GSE1: variants seen among roughly 807,000 people sequenced by gnomAD.
GSE1 encodes Gse1 coiled-coil protein.
A neutral mutation model predicts 112.6 loss-of-function variants in GSE1; 32 were observed. That is an observed-to-expected ratio of 0.28 (90% CI 0.21 to 0.38). The LOEUF is 0.38. Among genes scored for constraint, GSE1 ranks in the 10% least tolerant of loss-of-function variants. GSE1 has a pLI of 1.00. For missense variants in GSE1, 2,348 were observed against 1,699.2 expected, an observed-to-expected ratio of 1.38 and a Z score of -6.71; for synonymous variants, 1,115 against 735.6, an observed-to-expected ratio of 1.52 and a Z score of -8.35.
intron 2 of GSE1, among the ~76,000 whole-genome samples, chr16:85,378,694 C>G (rs902466546): frequency 6.6e-5 from 10 of 152,208 alleles, no homozygotes; most frequent in Non-Finnish European, 1.5e-4. Context: ...CCAGGCGAAC[C>G]TTTGCCCCCT....
In GSE1 at chr16:85,327,113, C is replaced by G. The variant is rs565542348; in HGVS notation, c.2284-30350C>G. 2.0e-5 allele frequency among the ~76,000 whole-genome samples: 3 copies of G among 152,340 alleles called. No homozygotes were observed. The East Asian group carries it at 5.8e-4, about 29-fold the overall frequency. On this transcript the variant is annotated intron_variant, in intron 1 of 2. Coordinates refer to the GSE1 transcript ENST00000637419. ...GGCTTGTTTCTTTCCATGGGAGCCT[C>G]TCCCTGGGCAACCTGGGCTTCCTCA...
intron 2 of GSE1, among the ~76,000 whole-genome samples, chr16:85,527,802 G>C (rs1272862876): frequency 1.3e-5 from 2 of 152,258 alleles, no homozygotes; most frequent in Non-Finnish European, 2.9e-5. Context: ...ACATATACAG[G>C]AGTGACCGTC....
chr16:85,194,950 G>T (rs1020649316), intron 1 of GSE1, among the ~76,000 whole-genome samples: 2 of 152,106 alleles, frequency 1.3e-5, no homozygotes, highest in African/African-American at 4.8e-5. Flanking sequence ...GCTCAGCCAG[G>T]GCCGGTCGTG....
chr16:85,593,045 G>A (rs2047064260), intron 1 of GSE1: 1 of 152,302 alleles, frequency 6.6e-6, no homozygotes, highest in Non-Finnish European at 1.5e-5. Flanking sequence ...AAGCTGCAGG[G>A]AAGTGAAGGA....
At chr16:85,438,351 G>A (rs760287879) in intron 2 of GSE1, among the ~76,000 whole-genome samples, 1 of 152,200 alleles carries the variant, frequency 6.6e-6, no homozygotes, top group African/African-American at 2.4e-5. Context: ...GGGGAGTGGT[G>A]GCCTCTGGGG....
chr16:85,307,828 C>G (rs1214075179), intron 1 of GSE1, among the ~76,000 whole-genome samples: 3 of 152,306 alleles, frequency 2.0e-5, no homozygotes, highest in Admixed American at 6.5e-5. Context: ...CAAAGACACT[C>G]TCATCAGGCG....
intron 2 of GSE1, among the ~76,000 whole-genome samples, chr16:85,485,657 C>T (rs1045150569): frequency 2.6e-5 from 4 of 152,250 alleles, no homozygotes; most frequent in African/African-American, 9.6e-5. Context: ...CCGTGCGCAG[C>T]CCGCCGGGCC....
chr16:85,493,744 C>A (rs141958684), intron 2 of GSE1, among the ~76,000 whole-genome samples: 1 of 138,912 alleles, frequency 7.2e-6, no homozygotes, highest in Non-Finnish European at 1.5e-5. Flanking sequence ...AAGCCGAGAT[C>A]ATGCCATTGC....
intron 1 of GSE1, among the ~76,000 whole-genome samples, chr16:85,596,409 C>T (rs959129540): frequency 3.3e-5 from 5 of 152,204 alleles, no homozygotes; most frequent in African/African-American, 1.2e-4. Flanking sequence ...GCACCTGGCT[C>T]ACTGTGTTCA....
chr16:85,394,459 C>A (rs2047921112), intron 2 of GSE1, among the ~76,000 whole-genome samples: 1 of 152,108 alleles, frequency 6.6e-6, no homozygotes, highest in Non-Finnish European at 1.5e-5. Flanking sequence ...TTTGAGGGTC[C>A]CTTTAAAGCG....
At chr16:85,546,946 G>T (rs1164813755) in intron 2 of GSE1, among the ~76,000 whole-genome samples, 1 of 152,244 alleles carries the variant, frequency 6.6e-6, no homozygotes, top group Non-Finnish European at 1.5e-5. Context: ...CGGGGGCCAG[G>T]CTTCCACCCA....
chr16:85,622,161 C>G (rs1283298486), intron 1 of GSE1, among the ~76,000 whole-genome samples: 1 of 152,152 alleles, frequency 6.6e-6, no homozygotes, highest in East Asian at 1.9e-4. Flanking sequence ...TGTTTGGTGG[C>G]TGGGTTGGAT....
chr16:85,518,983 C>G (rs60382971), intron 2 of GSE1, among the ~76,000 whole-genome samples: 48,674 of 151,942 alleles, frequency 0.32, 7,881 homozygotes, highest in East Asian at 0.43. Flanking sequence ...GAAGCGCACT[C>G]TGGACCCGTC....
chr16:85,171,532 G>C, exon 1 of GSE1: 1 of 985,594 alleles, frequency 1.0e-6, no homozygotes, highest in Non-Finnish European at 1.2e-6. Context: ...CCACCACGCT[G>C]TCAGCGCCTG....
intron 1 of GSE1, among the ~76,000 whole-genome samples, chr16:85,319,699 C>T (rs2046060503): frequency 6.6e-6 from 1 of 152,206 alleles, no homozygotes; most frequent in African/African-American, 2.4e-5. Flanking sequence ...GCTTCCCTGT[C>T]ATCTTTTAGA....
intron 1 of GSE1, among the ~76,000 whole-genome samples, chr16:85,179,256 T>C (rs2143266981): frequency 6.6e-6 from 1 of 152,270 alleles, no homozygotes; most frequent in South Asian, 2.1e-4. Context: ...AATCATCTAA[T>C]TCGTGCCTTT....
chr16:85,656,301 T>C (rs1555565477), intron 6 of GSE1, 42 bp from the exon 7 acceptor site: 3 of 1,602,368 alleles, frequency 1.9e-6, no homozygotes, highest in Non-Finnish European at 2.6e-6. Context: ...CGTCTCTTGT[T>C]CCTGGTGCAG....
At chr16:85,223,427 A>T (rs4782692) in intron 1 of GSE1, among the ~76,000 whole-genome samples, 1 of 150,602 alleles carries the variant, frequency 6.6e-6, no homozygotes, top group African/African-American at 2.4e-5. Flanking sequence ...GGAGGCTGAG[A>T]CAGGAGAATA....
In GSE1 at chr16:85,331,355, G is replaced by GTATATATA. The variant is rs1467067903; in HGVS notation, c.2284-26107_2284-26106insATATATAT. Among the ~76,000 whole-genome samples, 86 of 57,348 alleles carry GTATATATA rather than the reference G, an allele frequency of 1.5e-3. 8 individuals carry two copies. Among genetic ancestry groups the GTATATATA allele is most frequent in the African/African-American group, 3.2e-3 (62 of 19,604 alleles). 37.6% of individuals were successfully genotyped at this position (57,348 alleles called of 152,430 possible). A position where few individuals can be genotyped will look rare whatever the true frequency, so the allele number is the denominator to read the frequency against. On this transcript the variant is annotated intron_variant, in intron 1 of 2. Coordinates refer to the GSE1 transcript ENST00000637419. ...TGTGTGTGTGTGTGTGTGTGTGTGT[G>GTATATATA]TGTGTGTGTGTATATATGTATATAT... is the stretch of plus-strand genomic sequence containing the variant.
Sources: allele counts gnomAD v4.1 joint callset (sites outside exome capture counted in the v4.1 genomes callset), GRCh38; gene constraint gnomAD v4.1.1; transcripts MANE v1.5; gene names NCBI Gene and HGNC (gene_info 2026-07-23, HGNC 2026-07-21).